Variants in AKR1C3 observed in about 807,000 individuals in gnomAD.
AKR1C3 encodes 3-alpha hydroxysteroid dehydrogenase, type II.
In AKR1C3, 48 loss-of-function variants were observed where a neutral mutation model predicts 43.6. The ratio of observed to expected loss-of-function variants is 1.10; its 90% confidence interval spans 0.87 to 1.40. AKR1C3 has a LOEUF of 1.40. Among genes scored for constraint, AKR1C3 ranks in the 40% most tolerant of loss-of-function variants. AKR1C3 has a pLI of 0.00. For missense variants in AKR1C3, 482 were observed against 391.2 expected (o/e 1.23, Z -1.96); for synonymous variants, 162 against 139.6 (o/e 1.16, Z -1.13).
chr10:5,090,302 G>A (rs1007949735), upstream of AKR1C3, among the ~76,000 whole-genome samples: 3 of 152,122 alleles, frequency 2.0e-5, no homozygotes, highest in South Asian at 2.1e-4. Flanking sequence ...AGAAACTTCT[G>A]TTGTAAAGCA....
intron 1 of AKR1C3, among the ~76,000 whole-genome samples, chr10:5,082,309 A>G (rs1838854129): frequency 6.6e-6 from 1 of 152,188 alleles, no homozygotes; most frequent in African/African-American, 2.4e-5. Context: ...CATGAATAGT[A>G]CTTCCAATTT....
At chr10:5,057,948 C>T (rs567828806) in intron 1 of AKR1C3, among the ~76,000 whole-genome samples, 2 of 152,304 alleles carry the variant, frequency 1.3e-5, no homozygotes, top group Non-Finnish European at 2.9e-5. Context: ...ATGTACCTAT[C>T]AGGATCATCT....
chr10:5,101,973 G>T, intron 5 of AKR1C3, 128 bp from the exon 6 acceptor site: 1 of 611,048 alleles, frequency 1.6e-6, no homozygotes, highest in Non-Finnish European at 2.9e-6. Context: ...GTTATTACTT[G>T]ACAATAATAT....
chr10:5,100,569 C>G (rs1477452236), intron 5 of AKR1C3, among the ~76,000 whole-genome samples: 1 of 152,048 alleles, frequency 6.6e-6, no homozygotes, highest in Non-Finnish European at 1.5e-5. Context: ...CCAAATGTCA[C>G]AAAAAAATTC....
At chr10:5,052,166 T>A (rs1300637171) in intron 1 of AKR1C3, among the ~76,000 whole-genome samples, 2 of 152,212 alleles carry the variant, frequency 1.3e-5, no homozygotes, top group Non-Finnish European at 2.9e-5. Context: ...GCTGCAGACC[T>A]ACATGGTGAG....
At chr10:5,070,093 C>T (rs555928835) in intron 1 of AKR1C3, among the ~76,000 whole-genome samples, 9 of 152,204 alleles carry the variant, frequency 5.9e-5, no homozygotes, top group Non-Finnish European at 8.8e-5. Context: ...CGGTTAGGTG[C>T]CTTCACATGG....
chr10:5,067,199 T>C (rs964836255), intron 1 of AKR1C3, among the ~76,000 whole-genome samples: 6 of 152,172 alleles, frequency 3.9e-5, no homozygotes, highest in Non-Finnish European at 8.8e-5. Context: ...ACCCCATAAG[T>C]GCACATAACA....
intron 1 of AKR1C3, among the ~76,000 whole-genome samples, chr10:5,056,286 C>A (rs1308350014): frequency 6.6e-6 from 1 of 152,084 alleles, no homozygotes; most frequent in African/African-American, 2.4e-5. Flanking sequence ...AACTGGGAGT[C>A]AGAGTGCAGG....
chr10:5,082,136 C>T (rs115078771), intron 1 of AKR1C3, among the ~76,000 whole-genome samples: 106 of 152,292 alleles, frequency 7.0e-4, no homozygotes, highest in African/African-American at 2.5e-3. Context: ...CCTTGGTCCA[C>T]TCCTCTTGAA....
At chr10:5,089,939 G>A (rs1412945474), upstream of AKR1C3, among the ~76,000 whole-genome samples, 1 of 152,108 alleles carries the variant, frequency 6.6e-6, no homozygotes, top group East Asian at 1.9e-4. Flanking sequence ...GCCCTTGAGG[G>A]TGTGATTGTA....
chr10:5,104,283 AGTAAAATAAAAAC>A (rs2131851065), intron 7 of AKR1C3, among the ~76,000 whole-genome samples: 1 of 152,308 alleles, frequency 6.6e-6, no homozygotes, highest in Admixed American at 6.5e-5. Flanking sequence ...TTCAATACTA[AGTAAAATAAAAAC>A]CCAAATATGC....
chr10:5,088,363 G>C (rs1469800895), intron 1 of AKR1C3, among the ~76,000 whole-genome samples: 1 of 151,874 alleles, frequency 6.6e-6, no homozygotes, highest in East Asian at 1.9e-4. Context: ...CTTAAGTCCA[G>C]AGAGTTTTTT....
At chr10:5,053,806 G>C (rs1228348927) in intron 1 of AKR1C3, among the ~76,000 whole-genome samples, 1 of 152,260 alleles carries the variant, frequency 6.6e-6, no homozygotes, top group Non-Finnish European at 1.5e-5. Context: ...GCCAGGGGAA[G>C]TGCCAGCAGG....
chr10:5,105,124 AGAC>A (rs1471424331), intron 7 of AKR1C3, among the ~76,000 whole-genome samples: 1 of 152,244 alleles, frequency 6.6e-6, no homozygotes, highest in Admixed American at 6.5e-5. Flanking sequence ...GTTAGTAATT[AGAC>A]AATTCCTGCC....
chr10:5,097,999 C>G, intron 3 of AKR1C3: 1 of 1,012,716 alleles, frequency 9.9e-7, no homozygotes. Context: ...AATTAGAAAC[C>G]CTTAATGTGG....
chr10:5,093,367 C>T (rs781849839), upstream of AKR1C3: 6 of 151,998 alleles, frequency 3.9e-5, no homozygotes, highest in Admixed American at 2.0e-4. Context: ...TAATAATTAA[C>T]TTATTTCTCA....
chr10:5,105,414 T>C, intron 7 of AKR1C3, 181 bp from the exon 8 acceptor site: 1 of 510,498 alleles, frequency 2.0e-6, no homozygotes, highest in East Asian at 3.2e-5. Context: ...TATCTAGGAA[T>C]GGATTTCTGC....
chr10:5,054,298 T>A (rs1332874794), intron 1 of AKR1C3, among the ~76,000 whole-genome samples: 2 of 152,196 alleles, frequency 1.3e-5, no homozygotes, highest in African/African-American at 4.8e-5. Flanking sequence ...TGTGTGGTAG[T>A]AGGATAATGA....
intron 6 of AKR1C3, 130 bp downstream of exon 6, chr10:5,102,340 G>T (rs1418811155): frequency 6.3e-7 from 1 of 1,595,360 alleles, no homozygotes; most frequent in Non-Finnish European, 8.6e-7. Flanking sequence ...CATTTCTGAC[G>T]AGATCTTGGA....
Sources: gnomAD v4.1 joint callset for allele counts (sites outside exome capture counted in the v4.1 genomes callset) on GRCh38, gnomAD v4.1.1 for gene constraint, MANE v1.5 for transcripts, NCBI Gene and HGNC (gene_info 2026-07-23, HGNC 2026-07-21) for gene names.